MYH10: variants seen among roughly 807,000 people sequenced by gnomAD.
MYH10 encodes the protein myosin heavy chain 10.
Under a neutral mutation model 257.8 loss-of-function variants are expected in MYH10, and 55 were observed. That is an observed-to-expected ratio of 0.21 (90% CI 0.17 to 0.27). The LOEUF (loss-of-function observed/expected upper bound fraction) is 0.27. Ranked by LOEUF, MYH10 falls within the 10% of genes least tolerant of loss-of-function variation. The pLI, the probability that MYH10 is intolerant of heterozygous loss-of-function variation, is 1.00. For synonymous variants in MYH10, 854 were observed against 921.7 expected, an observed-to-expected ratio of 0.93 and a Z score of 1.33; for missense variants, 1,631 against 2,500.6, an observed-to-expected ratio of 0.65 and a Z score of 7.42.
chr17:8,588,215 C>T (rs928827337), intron 4 of MYH10, among the ~76,000 whole-genome samples: 6 of 152,242 alleles, frequency 3.9e-5, no homozygotes, highest in Middle Eastern at 6.8e-3. Context: ...TCTCATTCAT[C>T]GGCATGGCTT....
At chr17:8,526,268 T>G (rs1199388650) in intron 17 of MYH10, among the ~76,000 whole-genome samples, 2 of 152,150 alleles carry the variant, frequency 1.3e-5, no homozygotes, top group Admixed American at 6.5e-5. Flanking sequence ...TTCTTGTTGA[T>G]CAAAGCAGAA....
At position 8,559,646 on chromosome 17, in the gene MYH10, T is replaced by C. The variant is rs560081240; in HGVS notation, c.757-5628A>G. Reference sequence around the variant, plus strand: ...TTTACAAAATGCTTCAATGGACCCATATGTAATTACAAGAGAGAATGAACT... The same window carrying C: ...TTTACAAAATGCTTCAATGGACCCACATGTAATTACAAGAGAGAATGAACT... On this transcript the variant is annotated intron_variant, in intron 7 of 42. Transcript: ENST00000360416. Among the ~76,000 whole-genome samples, 4 of 152,298 alleles carry C rather than the reference T, an allele frequency of 2.6e-5. No homozygotes were observed. The East Asian group carries it at 7.7e-4, about 29-fold the overall frequency.
rs945937458 is a variant in MYH10 at position 8,569,354 on chromosome 17, T to C, written c.756+366A>G. ...TGCGTTGAATGTTTACTATGCATAG[T>C]GCCGGGCTAAGTGCTCAGCGTGCAC... On this transcript the variant is annotated intron_variant, in intron 7 of 42. Transcript: ENST00000360416. This position sits in a 1 kb window ranked among gnomAD's most constrained non-coding sequence, Gnocchi z 4.1. Among the ~76,000 whole-genome samples, 2 of 152,204 alleles carry C rather than the reference T, an allele frequency of 1.3e-5. No homozygotes were observed. Among genetic ancestry groups the C allele is most frequent in the African/African-American group, 4.8e-5 (2 of 41,446 alleles).
In MYH10 at chr17:8,518,704, C is replaced by T; in HGVS notation, c.2431G>A (p.Glu811Lys). Residue 811 changes from glutamate to lysine, a missense_variant, in exon 21 of 43, where the codon GAA (glutamate) becomes AAA (lysine). Around this residue, in one of 11 missense-constraint regions of MYH10, gnomAD observed 116 missense variants for 221.6 expected, o/e 0.52. Transcript: ENST00000360416. ...FRAGVLAHLE[E>K]ERDLKITDII... is the part of the protein sequence containing the mutation. ...TCGGTGATTTTTAAATCTCTTTCTTCCTCTAAGTGTGCCAGAACTCCAGCT... is the reference window on the plus strand; with the variant it reads ...TCGGTGATTTTTAAATCTCTTTCTTTCTCTAAGTGTGCCAGAACTCCAGCT... The T allele has an allele frequency of 6.2e-7, 1 of 1,614,184 alleles. No individual in the cohort carries two copies. Among genetic ancestry groups the T allele is most frequent in the Non-Finnish European group, 8.5e-7 (1 of 1,180,008 alleles).
At chr17:8,548,445 G>T in intron 10 of MYH10, 37 bp from the exon 11 acceptor site, 1 of 1,474,174 alleles carries the variant, frequency 6.8e-7, no homozygotes, top group Non-Finnish European at 9.3e-7. Flanking sequence ...AATTAATATT[G>T]CCTCAAAATG....
rs773371592 is a variant in MYH10 at position 8,493,882 on chromosome 17, G to T, written c.4060C>A (p.Leu1354Ile). 1.4e-5 allele frequency: 23 copies of T among 1,590,184 alleles called. No homozygotes were observed. Among genetic ancestry groups the T allele is most frequent in the Admixed American group, 9.3e-5 (5 of 53,764 alleles). The change falls in exon 32 of 43, where the codon CTT (leucine) becomes ATT (isoleucine). Residue 1354 changes from leucine to isoleucine, a missense_variant. Around this residue, in one of 11 missense-constraint regions of MYH10, gnomAD observed 463 missense variants for 621.8 expected, o/e 0.74. Transcript: ENST00000360416. Reference protein sequence around the residue: ...LESQLQDTQELLQEETRQKLN... With the variant: ...LESQLQDTQEILQEETRQKLN... ...TTCTGGCGTGTCTCCTCCTGAAGAA[G>T]CTCCTGTGTTTTTTTTTTAAAGGGC...
chr17:8,610,144 A>G (rs1356759994), intron 2 of MYH10, among the ~76,000 whole-genome samples: 1 of 151,866 alleles, frequency 6.6e-6, no homozygotes. Flanking sequence ...ACTACTGATC[A>G]ATCTCAACAT....
In MYH10 at chr17:8,504,737, G is replaced by A. The variant is rs866390269; in HGVS notation, c.3556C>T (p.Leu1186=). 6.2e-7 allele frequency: 1 copy of A among 1,614,164 alleles called. No homozygotes were observed. Among genetic ancestry groups the A allele is most frequent in the Middle Eastern group, 1.7e-4 (1 of 6,058 alleles). ...GCCGTGGTGTCCAGCGTGTCCTCCA[G>A]CTCTGTTTTCAGAGCTTCCAGTTCC... The part of the protein sequence containing the change: ...SEELEALKTE[L]EDTLDTTAAQ... The change falls in exon 28 of 43, where the codon CTG becomes TTG. Residue 1186 remains leucine, a synonymous_variant. Transcript: ENST00000360416. This position sits in a 1 kb window ranked among gnomAD's most constrained non-coding sequence, Gnocchi z 5.6.
chr17:8,585,708 G>A (rs1200207613), intron 4 of MYH10, among the ~76,000 whole-genome samples: 1 of 151,962 alleles, frequency 6.6e-6, no homozygotes, highest in Admixed American at 6.6e-5. Flanking sequence ...AAGTACGGGG[G>A]GACAGGAGAA....
rs138566194 is a variant in MYH10 at position 8,477,216 on chromosome 17, C to T, written c.5707-168G>A. 6.6e-6 allele frequency among the ~76,000 whole-genome samples: 1 copy of T among 152,240 alleles called. No individual in the cohort carries two copies. The highest frequency in any genetic ancestry group is 1.9e-4 in the East Asian group (1 of 5,156). On this transcript the variant is annotated intron_variant, in intron 41 of 42. Coordinates refer to ENST00000360416, the MANE Select transcript of MYH10 (RefSeq NM_001256012.3). This position sits in a 1 kb window ranked among gnomAD's most constrained non-coding sequence, Gnocchi z 4.2. ...GCTGGTCGGAGGCTCTGTAACCGGC[C>T]TGCCGCTCTCAGCAAAGCTAGCATC...
intron 17 of MYH10, among the ~76,000 whole-genome samples, chr17:8,529,664 C>G (rs1310718160): frequency 6.6e-6 from 1 of 152,174 alleles, no homozygotes; most frequent in East Asian, 1.9e-4. Flanking sequence ...AGTATGTGAA[C>G]TAGAGGTGAT....
Position 8,504,915 on chromosome 17 carries a change from AC to A in MYH10, c.3387-10del, listed in dbSNP as rs2081023574. The A allele has an allele frequency of 1.2e-6, 2 of 1,612,800 alleles. No homozygotes were observed. The highest frequency in any genetic ancestry group is 1.7e-6 in the Non-Finnish European group (2 of 1,178,986). The stretch of plus-strand genomic sequence containing the variant: ...GTGTTTCATCATCACCTCTGTTAAA[AC>A]ACCCAGGCGCAAGAGGCACTCAGAG... On this transcript the variant is annotated splice_polypyrimidine_tract_variant and intron_variant, in intron 27 of 42. Transcript: ENST00000360416. This position sits in a 1 kb window ranked among gnomAD's most constrained non-coding sequence, Gnocchi z 5.6.
At chr17:8,604,110 A>G (rs1001934501) in intron 3 of MYH10, among the ~76,000 whole-genome samples, 3 of 152,164 alleles carry the variant, frequency 2.0e-5, no homozygotes, top group Non-Finnish European at 2.9e-5. Flanking sequence ...TATGCTTTTT[A>G]TTAAAACTTA....
intron 12 of MYH10, among the ~76,000 whole-genome samples, chr17:8,546,034 CTTTT>C (rs1462105866): frequency 6.6e-6 from 1 of 151,840 alleles, no homozygotes; most frequent in Non-Finnish European, 1.5e-5. Context: ...TTGACATTTA[CTTTT>C]TTTAAAAAAT....
At chr17:8,627,757 T>C (rs376426405) in intron 1 of MYH10, among the ~76,000 whole-genome samples, 7 of 152,250 alleles carry the variant, frequency 4.6e-5, no homozygotes, top group East Asian at 1.9e-4. Flanking sequence ...AAACAGCAGA[T>C]ACCATTGTCA....
Position 8,506,239 on chromosome 17 carries a change from G to T in MYH10, c.3386+79C>A. 3 of 1,420,126 alleles carry T rather than the reference G, an allele frequency of 2.1e-6. No homozygotes were observed. The highest frequency in any genetic ancestry group is 2.8e-6 in the Non-Finnish European group (3 of 1,076,052). 88.0% of individuals were successfully genotyped at this position (1,420,126 alleles called of 1,614,324 possible). A position where few individuals can be genotyped will look rare whatever the true frequency, so the allele number is the denominator to read the frequency against. On this transcript the variant is annotated intron_variant, in intron 27 of 42. Coordinates refer to ENST00000360416, the MANE Select transcript of MYH10 (RefSeq NM_001256012.3). The surrounding 1 kb of genome is among the most constrained non-coding windows in gnomAD (Gnocchi z 5.0). ...CCCATCTCACTCTCCCAGGGTTTTT[G>T]AATGCTCCCGAACATAACAAAGTCT... is the stretch of plus-strand genomic sequence containing the variant.
chr17:8,595,854 C>G (rs1256860066), intron 3 of MYH10, among the ~76,000 whole-genome samples: 1 of 152,068 alleles, frequency 6.6e-6, no homozygotes, highest in Admixed American at 6.6e-5. Context: ...ATACAAAGAT[C>G]CAAGACAACT....
At chr17:8,486,937 CATT>C (rs1421547442) in intron 36 of MYH10, among the ~76,000 whole-genome samples, 1 of 152,200 alleles carries the variant, frequency 6.6e-6, no homozygotes, top group Non-Finnish European at 1.5e-5. Flanking sequence ...AAGTTTTCAT[CATT>C]AACGGACCAG....
chr17:8,585,613 C>T (rs1472701178), intron 4 of MYH10, among the ~76,000 whole-genome samples: 1 of 151,808 alleles, frequency 6.6e-6, no homozygotes, highest in Non-Finnish European at 1.5e-5. Flanking sequence ...TTATAATAGA[C>T]ATGAACATGA....
Sources: allele counts gnomAD v4.1 joint callset (sites outside exome capture counted in the v4.1 genomes callset), GRCh38; gene constraint gnomAD v4.1.1; regional missense constraint gnomAD v4.1.1; non-coding constraint Gnocchi (gnomAD v3.1); transcripts MANE v1.5; gene names NCBI Gene and HGNC (gene_info 2026-07-23, HGNC 2026-07-21).